MAPK10: variants seen among roughly 807,000 people sequenced by gnomAD.
MAPK10 encodes the protein mitogen-activated protein kinase 10, also known as JNK3 alpha protein kinase.
Under a neutral mutation model 59.3 loss-of-function variants are expected in MAPK10, and 25 were observed. That is an observed-to-expected ratio of 0.42 (90% CI 0.31 to 0.59). MAPK10 has a LOEUF of 0.59. Among genes scored for constraint, MAPK10 ranks in the 20% least tolerant of loss-of-function variants. The pLI is 0.15. For missense variants in MAPK10, 351 were observed against 568.9 expected, an observed-to-expected ratio of 0.62 and a Z score of 3.90; for synonymous variants, 190 against 200.5, an observed-to-expected ratio of 0.95 and a Z score of 0.44.
chr4:86,538,188 CCAGGCTGGAGTG>C (rs1417833731), intron 1 of MAPK10, among the ~76,000 whole-genome samples: 1 of 151,914 alleles, frequency 6.6e-6, no homozygotes, highest in Non-Finnish European at 1.5e-5. Flanking sequence ...CTCTTGTTGC[CCAGGCTGGAGTG>C]CATTGTCACA....
chr4:86,066,813 G>T, intron 10 of MAPK10, among the ~76,000 whole-genome samples: 1 of 150,562 alleles, frequency 6.6e-6, no homozygotes, highest in Non-Finnish European at 1.5e-5. Flanking sequence ...TCATGAATAG[G>T]GTCATGAACT....
intron 4 of MAPK10, among the ~76,000 whole-genome samples, chr4:86,147,901 G>A (rs1252252058): frequency 1.3e-5 from 2 of 152,040 alleles, no homozygotes; most frequent in Non-Finnish European, 2.9e-5. Flanking sequence ...GCTAGCCTCC[G>A]TTATTAGTAC....
chr4:86,317,717 G>A (rs1260519235), intron 2 of MAPK10, among the ~76,000 whole-genome samples: 1 of 152,140 alleles, frequency 6.6e-6, no homozygotes, highest in Non-Finnish European at 1.5e-5. Context: ...GGCTACATAA[G>A]GATGCCATAA....
chr4:86,326,767 A>C (rs1231689194), intron 2 of MAPK10: 1 of 152,224 alleles, frequency 6.6e-6, no homozygotes, highest in Non-Finnish European at 1.5e-5. Flanking sequence ...CTAATGAAAA[A>C]TGGAACACAC....
chr4:86,121,575 G>A (rs935080859), intron 4 of MAPK10, among the ~76,000 whole-genome samples: 2 of 151,886 alleles, frequency 1.3e-5, no homozygotes, highest in African/African-American at 2.4e-5. Flanking sequence ...TTTCATTTTT[G>A]TGAGGATTAC....
chr4:86,479,536 T>C (rs1336930255), intron 1 of MAPK10, among the ~76,000 whole-genome samples: 1 of 151,498 alleles, frequency 6.6e-6, no homozygotes, highest in Non-Finnish European at 1.5e-5. Flanking sequence ...CTATTCACCA[T>C]TCTCAACTAC....
intron 1 of MAPK10, among the ~76,000 whole-genome samples, chr4:86,550,865 T>G (rs954188773): frequency 1.3e-5 from 2 of 152,186 alleles, no homozygotes; most frequent in Non-Finnish European, 2.9e-5. Flanking sequence ...TGGCACCTCC[T>G]CATCAGCACA....
chr4:86,257,357 G>C (rs780532936), intron 2 of MAPK10, among the ~76,000 whole-genome samples: 18 of 152,160 alleles, frequency 1.2e-4, no homozygotes, highest in Non-Finnish European at 2.6e-4. Context: ...CTAATAAAAA[G>C]GATGAATACT....
chr4:86,361,246 G>A (rs1736896534), upstream of MAPK10, among the ~76,000 whole-genome samples: 1 of 152,076 alleles, frequency 6.6e-6, no homozygotes, highest in African/African-American at 2.4e-5. Context: ...GTTTTATTTG[G>A]GGAGAAAATT....
chr4:86,264,857 TC>T (rs1479730345), intron 2 of MAPK10, among the ~76,000 whole-genome samples: 1 of 149,568 alleles, frequency 6.7e-6, no homozygotes, highest in East Asian at 2.0e-4. Context: ...CTAAATTATG[TC>T]CCCTTCTCTA....
chr4:86,276,133 GTTT>G (rs2094568958), intron 2 of MAPK10, among the ~76,000 whole-genome samples: 2 of 152,046 alleles, frequency 1.3e-5, no homozygotes, highest in Non-Finnish European at 2.9e-5. Context: ...TATATTGTTA[GTTT>G]TTTGTTTCTA....
chr4:86,115,450 G>A (rs1037533022), intron 4 of MAPK10, among the ~76,000 whole-genome samples: 2 of 151,962 alleles, frequency 1.3e-5, no homozygotes, highest in African/African-American at 2.4e-5. Context: ...TTCTCAGTGG[G>A]AGCTGCTGAC....
intron 10 of MAPK10, among the ~76,000 whole-genome samples, chr4:86,066,525 G>C (rs1454383756): frequency 2.0e-5 from 3 of 151,046 alleles, no homozygotes; most frequent in Non-Finnish European, 4.4e-5. Context: ...CCAGCACTTT[G>C]GAAGGCCGAG....
intron 2 of MAPK10, among the ~76,000 whole-genome samples, chr4:86,304,298 G>A (rs1374473843): frequency 2.8e-5 from 4 of 141,482 alleles, no homozygotes; most frequent in Non-Finnish European, 6.3e-5. Flanking sequence ...GAAGTGTCAA[G>A]TTAAAAGATG....
chr4:86,360,600 A>G (rs1300334363), upstream of MAPK10, among the ~76,000 whole-genome samples: 1 of 152,124 alleles, frequency 6.6e-6, no homozygotes, highest in African/African-American at 2.4e-5. Flanking sequence ...TCAACAGACT[A>G]ATACTTAGGT....
At chr4:86,373,072 T>C (rs558671693) in intron 1 of MAPK10, among the ~76,000 whole-genome samples, 56 of 152,108 alleles carry the variant, frequency 3.7e-4, no homozygotes, top group African/African-American at 1.3e-3. Flanking sequence ...TATAGACCAA[T>C]GGAACAGAAC....
chr4:86,077,988 A>C (rs908516452), intron 9 of MAPK10, among the ~76,000 whole-genome samples: 1 of 152,186 alleles, frequency 6.6e-6, no homozygotes, highest in South Asian at 2.1e-4. Flanking sequence ...TCATTATATT[A>C]AACTGTGGTT....
intron 1 of MAPK10, among the ~76,000 whole-genome samples, chr4:86,440,255 G>A (rs1005564303): frequency 6.6e-6 from 1 of 152,028 alleles, no homozygotes; most frequent in African/African-American, 2.4e-5. Flanking sequence ...GTATTATAAG[G>A]AACTAATTAA....
intron 1 of MAPK10, among the ~76,000 whole-genome samples, chr4:86,492,320 G>A (rs1282068562): frequency 6.6e-6 from 1 of 152,222 alleles, no homozygotes; most frequent in Non-Finnish European, 1.5e-5. Context: ...CTCAGGAGCT[G>A]TGGACAATTC....
Sources: gnomAD v4.1 joint callset for allele counts (sites outside exome capture counted in the v4.1 genomes callset) on GRCh38, gnomAD v4.1.1 for gene constraint, MANE v1.5 for transcripts, NCBI Gene and HGNC (gene_info 2026-07-23, HGNC 2026-07-21) for gene names.